The following DLEC1 variants were observed in gnomAD, a reference collection of about 807,000 sequenced individuals.
The protein encoded by DLEC1 is deleted in lung and esophageal cancer protein 1.
DLEC1 carries 146 observed loss-of-function variants against 198.1 expected under a neutral mutation model. That is an observed-to-expected ratio of 0.74 (90% CI 0.64 to 0.85). The LOEUF is 0.85. Ranked by LOEUF, DLEC1 falls within the 40% of genes least tolerant of loss-of-function variation. DLEC1 has a pLI of 0.00. For missense variants in DLEC1, 2,233 were observed against 2,220.0 expected (o/e 1.01, Z -0.12); for synonymous variants, 897 against 866.8 (o/e 1.03, Z -0.61).
At chr3:38,071,154 A>G (rs906752825) in intron 6 of DLEC1, among the ~76,000 whole-genome samples, 1 of 152,112 alleles carries the variant, frequency 6.6e-6, no homozygotes, top group Non-Finnish European at 1.5e-5. Flanking sequence ...GTTAGAAGAA[A>G]CATTTGTTGT....
At chr3:38,063,428 C>T (rs868701556) in intron 5 of DLEC1, among the ~76,000 whole-genome samples, 3 of 152,078 alleles carry the variant, frequency 2.0e-5, no homozygotes, top group South Asian at 4.2e-4. Context: ...TGTGCCACTG[C>T]ACTCCAGCCT....
intron 6 of DLEC1, among the ~76,000 whole-genome samples, chr3:38,069,959 A>G (rs138374017): frequency 6.5e-4 from 99 of 152,312 alleles, no homozygotes; most frequent in African/African-American, 1.8e-3. Flanking sequence ...GAGGATTTCA[A>G]CTTTATCTGT....
chr3:38,090,328 A>ATCT (rs1698676697), intron 10 of DLEC1, among the ~76,000 whole-genome samples: 1 of 152,234 alleles, frequency 6.6e-6, no homozygotes, highest in Non-Finnish European at 1.5e-5. Flanking sequence ...TTCCAGAGAT[A>ATCT]GTCTATGCCC....
intron 12 of DLEC1, among the ~76,000 whole-genome samples, chr3:38,094,159 G>A (rs1047456756): frequency 2.0e-5 from 3 of 152,168 alleles, no homozygotes; most frequent in Non-Finnish European, 4.4e-5. Context: ...TACCATGCCT[G>A]TGTAGGGGAA....
At chr3:38,115,095 T>C (rs1700083671) in intron 27 of DLEC1, 42 bp downstream of exon 27, 4 of 1,607,072 alleles carry the variant, frequency 2.5e-6, no homozygotes, top group African/African-American at 2.7e-5. Flanking sequence ...TGCCACAGGC[T>C]GTGCCTTGTG....
intron 2 of DLEC1, among the ~76,000 whole-genome samples, chr3:38,050,621 TA>T (rs1427106245): frequency 2.0e-5 from 3 of 152,168 alleles, no homozygotes; most frequent in African/African-American, 7.2e-5. Flanking sequence ...GGCATTCATC[TA>T]CACATGAGGG....
chr3:38,062,699 G>T lies in DLEC1; in HGVS notation c.992G>T (p.Arg331Leu). ...CGGAACCACTTCCTAAAAAATCCCCGTTTTTTTCCTCCTAACACTCGATAT... is the reference window on the plus strand; with the variant it reads ...CGGAACCACTTCCTAAAAAATCCCCTTTTTTTTCCTCCTAACACTCGATAT... ...ESRNHFLKNPRFFPPNTRYGG... is the reference protein window; with the variant it reads ...ESRNHFLKNPLFFPPNTRYGG... The change falls in exon 5 of 37, where the codon CGT becomes CTT. Residue 331 changes from arginine (R) to leucine (L), a missense_variant. Physicochemically the swap from Arg to Leu is moderately radical, Grantham distance 102. Transcript: ENST00000308059. 1 of 1,613,980 alleles carries T rather than the reference G, an allele frequency of 6.2e-7. No individual in the cohort carries two copies. Among genetic ancestry groups the T allele is most frequent in the Non-Finnish European group, 8.5e-7 (1 of 1,180,006 alleles).
intron 1 of DLEC1, among the ~76,000 whole-genome samples, chr3:38,043,206 C>T (rs751618230): frequency 1.3e-5 from 2 of 152,184 alleles, no homozygotes; most frequent in South Asian, 4.1e-4. Context: ...CTTCTATAAG[C>T]CTCAGTTTCC....
At chr3:38,117,182 G>C in intron 30 of DLEC1, 26 bp from the exon 31 acceptor site, 2 of 1,614,160 alleles carry the variant, frequency 1.2e-6, no homozygotes, top group Non-Finnish European at 1.7e-6. Flanking sequence ...CCAGGGATCA[G>C]CTGTGATCAG....
chr3:38,040,558 G>C (rs1700606312), intron 1 of DLEC1, among the ~76,000 whole-genome samples: 1 of 152,160 alleles, frequency 6.6e-6, no homozygotes, highest in Non-Finnish European at 1.5e-5. Context: ...TGCAGCCAGA[G>C]CCCCTGGCTG....
At chr3:38,082,444 C>CGGCT (rs1035110643) in intron 6 of DLEC1, among the ~76,000 whole-genome samples, 1 of 151,874 alleles carries the variant, frequency 6.6e-6, no homozygotes, top group African/African-American at 2.4e-5. Flanking sequence ...CCAAGGCAGG[C>CGGCT]GGCTGCTCCT....
At chr3:38,107,544 C>A (rs571800664) in intron 19 of DLEC1, 40 bp from the exon 20 acceptor site, 1 of 1,513,324 alleles carries the variant, frequency 6.6e-7, no homozygotes, top group African/African-American at 1.4e-5. Flanking sequence ...TTTACTTCTT[C>A]TTTTCTAATC....
intron 2 of DLEC1, chr3:38,052,244 C>T (rs1202445212): frequency 2.1e-6 from 1 of 477,212 alleles, no homozygotes; most frequent in Non-Finnish European, 4.2e-6. Flanking sequence ...TACCTGATGA[C>T]CAGAGACTCC....
rs1701263133 is a variant in DLEC1 at position 38,053,642 on chromosome 3, C to T, written c.563-6100C>T. ...GGGGGGCGCCTCTGCCCGGCCGCCC[C>T]TTCTGGGAAGTGAGGAGCCCCTCTG... On this transcript the variant is annotated intron_variant, in intron 2 of 36. Transcript: ENST00000308059. Among the ~76,000 whole-genome samples the T allele has an allele frequency of 3.3e-5, 5 of 151,210 alleles. No individual in the cohort carries two copies. The South Asian group carries it at 8.4e-4, about 25-fold the overall frequency.
chr3:38,050,697 T>A (rs1289608869), intron 2 of DLEC1, among the ~76,000 whole-genome samples: 1 of 152,200 alleles, frequency 6.6e-6, no homozygotes, highest in Non-Finnish European at 1.5e-5. Flanking sequence ...AAAATTTCAG[T>A]ATAAGATTTG....
chr3:38,078,830 TG>T (rs1209382304), intron 6 of DLEC1, among the ~76,000 whole-genome samples: 4 of 152,158 alleles, frequency 2.6e-5, no homozygotes, highest in Non-Finnish European at 5.9e-5. Flanking sequence ...TTTGACACCA[TG>T]GGGTGGATAG....
Position 38,084,153 on chromosome 3 carries a change from A to G in DLEC1, c.1174-5A>G, listed in dbSNP as rs1365457750. The G allele has an allele frequency of 6.2e-7, 1 of 1,612,428 alleles. No individual in the cohort carries two copies. Among genetic ancestry groups the G allele is most frequent in the South Asian group, 1.1e-5 (1 of 91,062 alleles). On this transcript the variant is annotated splice_polypyrimidine_tract_variant and splice_region_variant and intron_variant, in intron 6 of 36. Coordinates refer to ENST00000308059, the MANE Select transcript of DLEC1 (RefSeq NM_007335.4). Reference sequence around the variant, plus strand: ...TCTAAAAGAGATCATCTTACCTTTCAACAGATGGTAATTGCGCTGCAGAAC... The same window carrying G: ...TCTAAAAGAGATCATCTTACCTTTCGACAGATGGTAATTGCGCTGCAGAAC...
chr3:38,079,309 G>C (rs1458632698), intron 6 of DLEC1, among the ~76,000 whole-genome samples: 1 of 152,196 alleles, frequency 6.6e-6, no homozygotes, highest in African/African-American at 2.4e-5. Flanking sequence ...TATTGTCTAA[G>C]TTAGCACCAG....
intron 21 of DLEC1, 70 bp from the exon 22 acceptor site, chr3:38,109,362 C>T (rs567028929): frequency 1.1e-5 from 18 of 1,588,652 alleles, no homozygotes; most frequent in African/African-American, 4.0e-5. Flanking sequence ...CCCTGTGCTG[C>T]GGAAGACCAT....
Sources: allele counts gnomAD v4.1 joint callset (sites outside exome capture counted in the v4.1 genomes callset), GRCh38; gene constraint gnomAD v4.1.1; transcripts MANE v1.5; gene names NCBI Gene and HGNC (gene_info 2026-07-23, HGNC 2026-07-21).